The following HDAC8 variants were observed in gnomAD, a reference collection of about 807,000 sequenced individuals.
HDAC8 encodes the protein histone deacetylase 8, also known as histone deacetylase-like 1.
Under a neutral mutation model 32.2 loss-of-function variants are expected in HDAC8, and 1 was observed. That is an observed-to-expected ratio of 0.03 (90% CI 0.01 to 0.15). The LOEUF (loss-of-function observed/expected upper bound fraction) is 0.15, where lower values mean the gene tolerates loss of function less well. Among genes scored for constraint, HDAC8 ranks in the 10% least tolerant of loss-of-function variants. HDAC8 has a pLI of 1.00. For missense variants in HDAC8, 117 were observed against 300.0 expected (o/e 0.39, Z 4.51); for synonymous variants, 108 against 113.9 (o/e 0.95, Z 0.33).
chrX:72,460,235 C>T (rs1273650401), intron 9 of HDAC8, among the ~76,000 whole-genome samples: 1 of 110,864 alleles, frequency 9.0e-6, no homozygotes, highest in African/African-American at 3.3e-5. Flanking sequence ...CTTCCGGGTT[C>T]AAGCAATTCG....
At chrX:72,362,428 T>C (rs2044582127) in intron 9 of HDAC8, among the ~76,000 whole-genome samples, 1 of 111,996 alleles carries the variant, frequency 8.9e-6, no homozygotes, top group African/African-American at 3.2e-5. Flanking sequence ...CTTTTTTCTT[T>C]ATAGATTACC....
chrX:72,336,715 C>G (rs1184714486), intron 10 of HDAC8, among the ~76,000 whole-genome samples: 2 of 111,031 alleles, frequency 1.8e-5, no homozygotes, highest in Non-Finnish European at 3.8e-5. Flanking sequence ...ACCACACCCC[C>G]AAAATGGGCT....
At chrX:72,362,379 C>T (rs1158253826) in intron 9 of HDAC8, among the ~76,000 whole-genome samples, 3 of 111,830 alleles carry the variant, frequency 2.7e-5, no homozygotes, top group African/African-American at 9.8e-5. Context: ...ATGTTGGTGT[C>T]ATGCTTGTAC....
intron 9 of HDAC8, among the ~76,000 whole-genome samples, chrX:72,376,139 G>A (rs1188937080): frequency 9.1e-6 from 1 of 110,198 alleles, no homozygotes; most frequent in Non-Finnish European, 1.9e-5. Flanking sequence ...GAACTCCTGA[G>A]CTCAAGCGAT....
intron 9 of HDAC8, among the ~76,000 whole-genome samples, chrX:72,446,136 A>G (rs1282237543): frequency 8.9e-6 from 1 of 112,382 alleles, no homozygotes; most frequent in East Asian, 2.8e-4. Context: ...GTGATTCCCC[A>G]GGGATGTAGA....
chrX:72,490,944 G>C lies in HDAC8; in HGVS notation c.613C>G (p.Pro205Ala), dbSNP rs1368902735. The change falls in exon 6 of 11, where the codon CCA becomes GCA. Residue 205 changes from proline (P) to alanine (A), a missense_variant. Physicochemically the swap from Pro to Ala is conservative, Grantham distance 27 (BLOSUM62 -1). Transcript: ENST00000373573. ...GATCACTTGCCTGGGAAAAATCCTGGGGAGAATTTGTGCAGGGACACGGTC... is the reference window on the plus strand; with the variant it reads ...GATCACTTGCCTGGGAAAAATCCTGCGGAGAATTTGTGCAGGGACACGGTC... ...VMTVSLHKFS[P>A]GFFPGTGDVS... The C allele has an allele frequency of 8.3e-7, 1 of 1,201,430 alleles. No homozygotes were observed. The highest frequency in any genetic ancestry group is 1.1e-6 in the Non-Finnish European group (1 of 888,133).
chrX:72,417,766 T>C (rs1236945173), intron 9 of HDAC8, among the ~76,000 whole-genome samples: 2 of 111,721 alleles, frequency 1.8e-5, no homozygotes, highest in Non-Finnish European at 3.8e-5. Flanking sequence ...GCCAAAGCAA[T>C]CCTAAGCCAA....
At chrX:72,407,479 TTGTC>T (rs1233089248) in intron 9 of HDAC8, among the ~76,000 whole-genome samples, 3 of 112,081 alleles carry the variant, frequency 2.7e-5, no homozygotes, top group African/African-American at 6.5e-5. Flanking sequence ...ACCCTTCAAA[TTGTC>T]TGTGAGCCTA....
chrX:72,489,081 A>T (rs2048772952), intron 6 of HDAC8, 40 bp from the exon 7 acceptor site: 2 of 945,138 alleles, frequency 2.1e-6, no homozygotes, highest in Non-Finnish European at 2.9e-6. Flanking sequence ...TATTAGGAAC[A>T]TGAGAACCCA....
chrX:72,366,665 T>A (rs1555954459), intron 9 of HDAC8, among the ~76,000 whole-genome samples: 1 of 112,377 alleles, frequency 8.9e-6, no homozygotes, highest in African/African-American at 3.2e-5. Context: ...AGGCGCTCCA[T>A]ACATCTTTGC....
intron 9 of HDAC8, among the ~76,000 whole-genome samples, chrX:72,408,344 G>A (rs782218866): frequency 1.8e-5 from 2 of 111,470 alleles, no homozygotes; most frequent in Non-Finnish European, 3.8e-5. Context: ...CAACAACTGA[G>A]CAAAGACTTG....
At chrX:72,436,128 A>G (rs2046944456) in intron 9 of HDAC8, among the ~76,000 whole-genome samples, 1 of 111,801 alleles carries the variant, frequency 8.9e-6, no homozygotes, top group Non-Finnish European at 1.9e-5. Context: ...TCCCAGAATG[A>G]GAAAGAAAGT....
intron 4 of HDAC8, among the ~76,000 whole-genome samples, chrX:72,554,643 T>G (rs1214336416): frequency 9.0e-6 from 1 of 111,407 alleles, no homozygotes; most frequent in Non-Finnish European, 1.9e-5. Context: ...CCTGTATGAC[T>G]CAGCAGAGGC....
At chrX:72,344,482 T>C (rs188687568) in intron 10 of HDAC8, among the ~76,000 whole-genome samples, 20 of 112,222 alleles carry the variant, frequency 1.8e-4, no homozygotes, top group African/African-American at 6.1e-4. Context: ...CATATTCACT[T>C]AACATTGTAA....
At chrX:72,462,665 G>A (rs1294538693) in intron 8 of HDAC8, among the ~76,000 whole-genome samples, 1 of 111,726 alleles carries the variant, frequency 9.0e-6, no homozygotes, top group Non-Finnish European at 1.9e-5. Context: ...AGTGAGATGA[G>A]GAAGGGACCG....
intron 10 of HDAC8, among the ~76,000 whole-genome samples, chrX:72,337,455 C>G (rs2043734166): frequency 9.0e-6 from 1 of 111,457 alleles, no homozygotes; most frequent in Non-Finnish European, 1.9e-5. Context: ...ATGACGTTGA[C>G]TAGGGGTCAT....
chrX:72,411,924 G>T (rs782361302), intron 9 of HDAC8, among the ~76,000 whole-genome samples: 2 of 111,893 alleles, frequency 1.8e-5, no homozygotes, highest in South Asian at 7.5e-4. Flanking sequence ...TCATTGTGGG[G>T]AATATAATGA....
chrX:72,490,185 G>T (rs1653385422), intron 6 of HDAC8, among the ~76,000 whole-genome samples: 1 of 110,220 alleles, frequency 9.1e-6, no homozygotes, highest in Middle Eastern at 4.6e-3. Flanking sequence ...CCTTGTGGAA[G>T]TCAGTGTGGC....
chrX:72,468,049 G>A, intron 7 of HDAC8: 1 of 1,168,818 alleles, frequency 8.6e-7, no homozygotes. Context: ...GAAGCTTTCA[G>A]AAAGGTAGGG....
Sources: allele counts gnomAD v4.1 joint callset (sites outside exome capture counted in the v4.1 genomes callset), GRCh38; gene constraint gnomAD v4.1.1; transcripts MANE v1.5; gene names NCBI Gene and HGNC (gene_info 2026-07-23, HGNC 2026-07-21).